The following ARHGAP26 variants were observed in gnomAD, a reference collection of about 807,000 sequenced individuals.
ARHGAP26 encodes rho GTPase-activating protein 26.
A neutral mutation model predicts 104.8 loss-of-function variants in ARHGAP26; 38 were observed. The ratio of observed to expected loss-of-function variants is 0.36; its 90% confidence interval spans 0.28 to 0.48. ARHGAP26 has a LOEUF of 0.48. Ranked by LOEUF, ARHGAP26 falls within the 20% of genes least tolerant of loss-of-function variation. ARHGAP26 has a pLI of 0.99. For missense variants in ARHGAP26, 704 were observed against 947.9 expected (o/e 0.74, Z 3.38); for synonymous variants, 341 against 340.0 (o/e 1.00, Z -0.03).
chr5:142,932,206 G>A, intron 11 of ARHGAP26, 81 bp downstream of exon 11: 3 of 1,350,490 alleles, frequency 2.2e-6, no homozygotes, highest in Non-Finnish European at 3.2e-6. Flanking sequence ...GATTTTTGCT[G>A]CTGTTCTAAA....
chr5:143,166,229 CG>C (rs1310725930), intron 20 of ARHGAP26: 1 of 489,588 alleles, frequency 2.0e-6, no homozygotes, highest in Non-Finnish European at 3.0e-6. Context: ...TCTGAGTAGC[CG>C]GAAGAGCCCA....
At chr5:142,930,964 C>T (rs1008893887) in intron 10 of ARHGAP26, among the ~76,000 whole-genome samples, 3 of 152,144 alleles carry the variant, frequency 2.0e-5, no homozygotes, top group Non-Finnish European at 2.9e-5. Context: ...GTTGCTCAGC[C>T]TGTGTGGTTT....
chr5:143,146,189 C>G (rs1327031630), intron 19 of ARHGAP26, among the ~76,000 whole-genome samples: 2 of 152,290 alleles, frequency 1.3e-5, no homozygotes, highest in East Asian at 1.9e-4. Flanking sequence ...CATTCCACAT[C>G]TATAATATTT....
chr5:142,992,245 A>G (rs1025262260), intron 11 of ARHGAP26, among the ~76,000 whole-genome samples: 2 of 152,028 alleles, frequency 1.3e-5, no homozygotes, highest in Non-Finnish European at 2.9e-5. Context: ...CCATAATAAG[A>G]TAAATATTTA....
At chr5:143,118,762 G>C (rs575403587) in intron 17 of ARHGAP26, among the ~76,000 whole-genome samples, 1 of 152,032 alleles carries the variant, frequency 6.6e-6, no homozygotes, top group African/African-American at 2.4e-5. Context: ...ACAGAGAAAG[G>C]CCTTGATCAC....
chr5:142,772,631 T>G (rs1755448928), intron 1 of ARHGAP26: 1 of 443,796 alleles, frequency 2.3e-6, no homozygotes, highest in South Asian at 1.7e-5. Context: ...ATTCTGCAAA[T>G]GAGAAAACAG....
chr5:143,132,626 T>A (rs1562482813), intron 18 of ARHGAP26, among the ~76,000 whole-genome samples: 1 of 152,008 alleles, frequency 6.6e-6, no homozygotes, highest in Non-Finnish European at 1.5e-5. Context: ...TGATGAAAAG[T>A]GTGTGTTAAC....
At chr5:142,771,561 A>G (rs552992883) in intron 1 of ARHGAP26, among the ~76,000 whole-genome samples, 1 of 152,286 alleles carries the variant, frequency 6.6e-6, no homozygotes, top group African/African-American at 2.4e-5. Flanking sequence ...TAGGGGTGGG[A>G]GTAGAGAATC....
intron 12 of ARHGAP26, among the ~76,000 whole-genome samples, chr5:143,030,530 G>A (rs77970351): frequency 1.3e-5 from 2 of 152,328 alleles, no homozygotes; most frequent in East Asian, 3.9e-4. Context: ...TGGCATGCCT[G>A]TATTGATACA....
At position 142,786,000 on chromosome 5, in the gene ARHGAP26, C is replaced by T. The variant is rs549066912; in HGVS notation, c.154+15085C>T. Among the ~76,000 whole-genome samples, 239 of 149,568 alleles carry T rather than the reference C, an allele frequency of 1.6e-3. 3 individuals carry two copies. Among genetic ancestry groups the T allele is most frequent in the African/African-American group, 5.7e-3 (232 of 40,478 alleles). ...GTATTTTTTTTTTTTTTTAAATAGA[C>T]AGAGTCTTGTCTTGTCACCCAGTGT... On this transcript the variant is annotated intron_variant, in intron 1 of 22. Coordinates refer to ENST00000645722, the MANE Select transcript of ARHGAP26 (RefSeq NM_001135608.3).
At chr5:142,924,842 T>C (rs1370461899) in intron 10 of ARHGAP26, among the ~76,000 whole-genome samples, 1 of 152,216 alleles carries the variant, frequency 6.6e-6, no homozygotes, top group Non-Finnish European at 1.5e-5. Flanking sequence ...GTAGCCCAAG[T>C]TCCTCCTTTG....
chr5:142,981,769 A>G (rs1270516968), intron 11 of ARHGAP26, among the ~76,000 whole-genome samples: 1 of 152,150 alleles, frequency 6.6e-6, no homozygotes, highest in Non-Finnish European at 1.5e-5. Flanking sequence ...ACCAAACTGG[A>G]GTTGCCTTTG....
At chr5:142,802,421 A>G (rs1762244302) in intron 1 of ARHGAP26, among the ~76,000 whole-genome samples, 1 of 152,240 alleles carries the variant, frequency 6.6e-6, no homozygotes. Flanking sequence ...CTCACTTAAC[A>G]TTGTCGGTAG....
At chr5:142,979,815 GC>G (rs1304913440) in intron 11 of ARHGAP26, among the ~76,000 whole-genome samples, 2 of 152,258 alleles carry the variant, frequency 1.3e-5, no homozygotes, top group African/African-American at 4.8e-5. Flanking sequence ...TTGTGGGCGT[GC>G]CAGAGGGGAG....
At chr5:142,838,308 A>G (rs923509741) in intron 1 of ARHGAP26, among the ~76,000 whole-genome samples, 2 of 152,134 alleles carry the variant, frequency 1.3e-5, no homozygotes, top group East Asian at 3.9e-4. Context: ...TTCTGTAGTA[A>G]TGTTTGTATG....
At chr5:143,160,323 T>C (rs548136574) in intron 20 of ARHGAP26, among the ~76,000 whole-genome samples, 2 of 152,144 alleles carry the variant, frequency 1.3e-5, no homozygotes, top group African/African-American at 4.8e-5. Flanking sequence ...CCTCCCAAAG[T>C]GCTGGGATTA....
At chr5:142,958,817 C>A (rs1769682946) in intron 11 of ARHGAP26, among the ~76,000 whole-genome samples, 1 of 150,620 alleles carries the variant, frequency 6.6e-6, no homozygotes, top group Admixed American at 6.6e-5. Context: ...ACCTATAATC[C>A]CAGAGCTTTG....
chr5:143,140,861 C>T (rs972048868), intron 19 of ARHGAP26, among the ~76,000 whole-genome samples: 4 of 152,126 alleles, frequency 2.6e-5, no homozygotes, highest in African/African-American at 9.7e-5. Flanking sequence ...CATCCTAGAC[C>T]CTCTCCCAGA....
chr5:143,124,611 A>G (rs1796513524), intron 18 of ARHGAP26, among the ~76,000 whole-genome samples: 1 of 152,230 alleles, frequency 6.6e-6, no homozygotes, highest in Non-Finnish European at 1.5e-5. Flanking sequence ...CCCATCATTC[A>G]GGAGTCCAGC....
Sources: gnomAD v4.1 joint callset for allele counts (sites outside exome capture counted in the v4.1 genomes callset) on GRCh38, gnomAD v4.1.1 for gene constraint, MANE v1.5 for transcripts, NCBI Gene and HGNC (gene_info 2026-07-23, HGNC 2026-07-21) for gene names.